The following MEIS3 variants were observed in gnomAD, a reference collection of about 807,000 sequenced individuals.
MEIS3 encodes homeobox protein Meis3.
MEIS3 carries 38 observed loss-of-function variants against 51.4 expected under a neutral mutation model. The observed-to-expected ratio is 0.74, with a 90% confidence interval of 0.57 to 0.97. The LOEUF is 0.97. Among genes scored for constraint, MEIS3 ranks in the 50% least tolerant of loss-of-function variants. The pLI is 0.00. For missense variants in MEIS3, 456 were observed against 502.6 expected, an observed-to-expected ratio of 0.91 and a Z score of 0.89; for synonymous variants, 198 against 201.8, an observed-to-expected ratio of 0.98 and a Z score of 0.16.
chr19:47,407,620 G>A, intron 8 of MEIS3, 192 bp from the exon 9 acceptor site: 1 of 1,370,904 alleles, frequency 7.3e-7, no homozygotes, highest in Non-Finnish European at 9.6e-7. Flanking sequence ...GCAATTACAT[G>A]CCTGCCAGCC....
rs1971442849 is a variant in MEIS3 at position 47,416,847 on chromosome 19, G to A, written c.302C>T (p.Ser101Phe). ...LGTPPGGDVC[S>F]SDSFNEDIAA... ...GATGTCCTCGTTGAAGGAATCAGAG[G>A]AGCAGACGTCACCTCCAGGGGGTGT... The change falls in exon 3 of 13, where the codon TCC becomes TTC. Residue 101 changes from serine to phenylalanine, a missense_variant. Ser to Phe is a radical substitution (Grantham distance 155). Coordinates refer to ENST00000558555, the MANE Select transcript of MEIS3 (RefSeq NM_001301059.2). The A allele has an allele frequency of 6.2e-7, 1 of 1,614,076 alleles. No homozygotes were observed. Among genetic ancestry groups the A allele is most frequent in the East Asian group, 2.2e-5 (1 of 44,886 alleles).
chr19:47,417,709 C>G lies in MEIS3; in HGVS notation c.13-359G>C, dbSNP rs1421665105. 43 of 699,678 alleles carry G rather than the reference C, an allele frequency of 6.1e-5. No individual in the cohort carries two copies. The East Asian group carries it at 1.1e-3, about 18-fold the overall frequency. The allele number at this position is 699,678 out of a possible 1,614,324, so 43.3% of individuals were successfully genotyped here. On this transcript the variant is annotated intron_variant, in intron 1 of 12. Coordinates refer to ENST00000558555, the MANE Select transcript of MEIS3 (RefSeq NM_001301059.2). ...CAGAGAGGGAGATCCATGGACACCT[C>G]CTGTAGGAACCGCGCATTGTTGTAC...
intron 6 of MEIS3, 61 bp downstream of exon 6, chr19:47,414,656 A>T (rs1022195288): frequency 7.8e-6 from 12 of 1,532,690 alleles, no homozygotes; most frequent in African/African-American, 1.4e-5. Context: ...ATGCGCCCTC[A>T]TGCGGTGTCC....
In MEIS3 at chr19:47,403,293, G is replaced by C. The variant is rs569547822; in HGVS notation, c.*278C>G. Reference sequence around the variant, plus strand: ...CTGTCCTGGCGGCGAGGCCCTAGCCGCCATCTTCTGGGGACCAAGGCCCAG... The same window carrying C: ...CTGTCCTGGCGGCGAGGCCCTAGCCCCCATCTTCTGGGGACCAAGGCCCAG... On this transcript the variant is annotated 3_prime_UTR_variant, in exon 13 of 13. Transcript: ENST00000558555. 5.2e-6 allele frequency: 2 copies of C among 383,386 alleles called. No individual in the cohort carries two copies. Among genetic ancestry groups the C allele is most frequent in the African/African-American group, 2.1e-5 (1 of 47,102 alleles). 23.7% of individuals were successfully genotyped at this position (383,386 alleles called of 1,614,324 possible).
At chr19:47,417,675 A>C (rs1286676111) in intron 1 of MEIS3, 1 of 702,628 alleles carries the variant, frequency 1.4e-6, no homozygotes, top group Non-Finnish European at 2.6e-6. Flanking sequence ...AGACAGAGAG[A>C]GAGACAGACA....
chr19:47,408,828 G>T (rs1970974081), intron 8 of MEIS3, among the ~76,000 whole-genome samples: 1 of 152,064 alleles, frequency 6.6e-6, no homozygotes, highest in African/African-American at 2.4e-5. Flanking sequence ...GGGTACACTG[G>T]GTGGATGGTG....
chr19:47,409,057 T>G (rs564894361), intron 8 of MEIS3, 42 bp downstream of exon 8: 3 of 1,598,466 alleles, frequency 1.9e-6, no homozygotes, highest in Non-Finnish European at 2.6e-6. Context: ...CCCTTCTCCC[T>G]CTCTCCATTC....
intron 9 of MEIS3, 77 bp downstream of exon 9, chr19:47,407,275 G>A (rs1412284169): frequency 5.9e-6 from 9 of 1,535,644 alleles, no homozygotes; most frequent in Non-Finnish European, 5.3e-6. Flanking sequence ...TGCGGGGCTC[G>A]GGGCCTCCGT....
chr19:47,418,812 G>C (rs1364245959), intron 1 of MEIS3: 1 of 379,022 alleles, frequency 2.6e-6, no homozygotes, highest in Non-Finnish European at 4.7e-6. Context: ...GGGGCAGACA[G>C]AGGGGGACAG....
chr19:47,406,584 T>A (rs1324827776), intron 11 of MEIS3, 58 bp from the exon 12 acceptor site: 1 of 1,537,842 alleles, frequency 6.5e-7, no homozygotes, highest in Non-Finnish European at 9.0e-7. Flanking sequence ...CCCAGATGCC[T>A]CTAAGTCTCC....
intron 12 of MEIS3, among the ~76,000 whole-genome samples, chr19:47,404,788 C>G (rs1287300555): frequency 1.3e-5 from 2 of 152,236 alleles, no homozygotes; most frequent in Non-Finnish European, 2.9e-5. Flanking sequence ...CTTGGCTTCA[C>G]CATCCCAGCC....
chr19:47,417,946 T>G, intron 1 of MEIS3: 1 of 543,504 alleles, frequency 1.8e-6, no homozygotes, highest in South Asian at 2.5e-5. Context: ...CACACACACA[T>G]GCACACAGCC....
chr19:47,407,697 G>A (rs1970917115), intron 8 of MEIS3: 2 of 699,332 alleles, frequency 2.9e-6, no homozygotes, highest in Non-Finnish European at 4.3e-6. Context: ...TTGGGGGAGG[G>A]GGCTCCTGTG....
Position 47,407,184 on chromosome 19 carries a change from G to A in MEIS3, c.936-47C>T, listed in dbSNP as rs183966414. ...GGAGGGGAATGAAAAGAGGGAGTGG[G>A]AGAGAGGCCAAGACGAACACAGAGC... On this transcript the variant is annotated intron_variant, in intron 9 of 12. Coordinates refer to ENST00000558555, the MANE Select transcript of MEIS3 (RefSeq NM_001301059.2). 6.8e-4 allele frequency: 1,075 copies of A among 1,583,346 alleles called. 9 individuals are homozygous for A. The African/African-American group carries it at 0.012, about 17-fold the overall frequency.
chr19:47,408,135 C>T (rs1970941805), intron 8 of MEIS3, among the ~76,000 whole-genome samples: 1 of 151,456 alleles, frequency 6.6e-6, no homozygotes, highest in African/African-American at 2.4e-5. Context: ...TTCTCTTTCT[C>T]TCTTTTTTTT....
rs1488678289 is a variant in MEIS3, at chr19:47,419,211, C to A, written c.-130G>T. On this transcript the variant is annotated 5_prime_UTR_variant, in exon 1 of 13. Transcript: ENST00000558555. The stretch of plus-strand genomic sequence containing the variant: ...GGGTGGGCAGGAGGCCAGGCGCGCG[C>A]CCCCCCACCCCCGCCGCCGTCAGCG... 1.1e-5 allele frequency: 6 copies of A among 552,550 alleles called. No individual in the cohort carries two copies. The highest frequency in any genetic ancestry group is 9.3e-5 in the Admixed American group (2 of 21,470). The allele number at this position is 552,550 out of a possible 1,614,324, so 34.2% of individuals were successfully genotyped here.
At position 47,419,146 on chromosome 19, in the gene MEIS3, G is replaced by A; in HGVS notation, c.-65C>T. On this transcript the variant is annotated 5_prime_UTR_variant, in exon 1 of 13. Transcript: ENST00000558555. The stretch of plus-strand genomic sequence containing the variant: ...CTGGCCGCGGGGGAGGGCGCAGCCC[G>A]GGGCCGCAGCCCCTGACGGCCCGCG... 4 of 1,196,822 alleles carry A rather than the reference G, an allele frequency of 3.3e-6. No homozygotes were observed. Among genetic ancestry groups the A allele is most frequent in the Non-Finnish European group, 4.2e-6 (4 of 956,994 alleles). The allele number at this position is 1,196,822 out of a possible 1,614,324, so 74.1% of individuals were successfully genotyped here. A position where few individuals can be genotyped will look rare whatever the true frequency, so the allele number is the denominator to read the frequency against.
At chr19:47,407,267 C>T (rs928072144) in intron 9 of MEIS3, 85 bp downstream of exon 9, 11 of 1,513,752 alleles carry the variant, frequency 7.3e-6, no homozygotes, top group Non-Finnish European at 9.8e-6. Context: ...AGTGGCTCTG[C>T]GGGGCTCGGG....
intron 2 of MEIS3, 36 bp downstream of exon 2, chr19:47,417,142 G>T: frequency 6.5e-7 from 1 of 1,536,740 alleles, no homozygotes; most frequent in South Asian, 1.3e-5. Flanking sequence ...AAGACAGAGA[G>T]AGAGAGACAG....
Sources: allele counts gnomAD v4.1 joint callset (sites outside exome capture counted in the v4.1 genomes callset), GRCh38; gene constraint gnomAD v4.1.1; transcripts MANE v1.5; gene names NCBI Gene and HGNC (gene_info 2026-07-23, HGNC 2026-07-21).